The following PLEKHA6 variants were observed in gnomAD, a reference collection of about 807,000 sequenced individuals.
The protein encoded by PLEKHA6 is pleckstrin homology domain containing A6.
Under a neutral mutation model 116.7 loss-of-function variants are expected in PLEKHA6, and 60 were observed. That is an observed-to-expected ratio of 0.51 (90% CI 0.42 to 0.64). PLEKHA6 has a LOEUF of 0.64. Ranked by LOEUF, PLEKHA6 falls within the 30% of genes least tolerant of loss-of-function variation. PLEKHA6 has a pLI of 0.00. For synonymous variants in PLEKHA6, 489 were observed against 556.1 expected (o/e 0.88, Z 1.70); for missense variants, 1,338 against 1,422.7 (o/e 0.94, Z 0.96).
At position 204,256,906 on chromosome 1, in the gene PLEKHA6, C is replaced by T. The variant is rs186492975; in HGVS notation, c.1524+447G>A. ...TAATCATACTGGAAGAGAAAGGGAT[C>T]GCAGAGGTGAGGGGTCTGGCTGGGA... On this transcript the variant is annotated intron_variant, in intron 9 of 22. Transcript: ENST00000272203. The T allele has an allele frequency of 1.6e-3, 990 of 625,460 alleles. 16 individuals are homozygous for T. Among genetic ancestry groups the T allele is most frequent in the South Asian group, 0.014 (726 of 53,412 alleles). The allele number at this position is 625,460 out of a possible 1,614,324, so 38.7% of individuals were successfully genotyped here. A position where few individuals can be genotyped will look rare whatever the true frequency, so the allele number is the denominator to read the frequency against.
upstream of PLEKHA6, among the ~76,000 whole-genome samples, chr1:204,364,360 G>A (rs1182580515): frequency 6.6e-6 from 1 of 152,182 alleles, no homozygotes; most frequent in Non-Finnish European, 1.5e-5. Flanking sequence ...GGAAGCAGCC[G>A]TGCCATCATG....
intron 2 of PLEKHA6, chr1:204,369,176 C>T (rs1166739402): frequency 6.6e-6 from 1 of 152,246 alleles, no homozygotes; most frequent in Non-Finnish European, 1.5e-5. Flanking sequence ...CTTCCTTCCT[C>T]TAAGCTATGC....
Position 204,250,594 on chromosome 1 carries a change from C to T in PLEKHA6, c.1545G>A (p.Val515=), listed in dbSNP as rs1664415746. The T allele has an allele frequency of 1.2e-6, 2 of 1,612,812 alleles. No homozygotes were observed. Among genetic ancestry groups the T allele is most frequent in the Admixed American group, 1.7e-5 (1 of 60,012 alleles). ...SSPKVPPYPE[V]FRDSLHTYKL... Reference sequence around the variant, plus strand: ...TGTAGGTGTGGAGGCTGTCCCGGAACACTTCTGGGTATGGAGGGACCTGCA... The same window carrying T: ...TGTAGGTGTGGAGGCTGTCCCGGAATACTTCTGGGTATGGAGGGACCTGCA... Residue 515 remains valine, a synonymous_variant, in exon 10 of 23, where the codon GTG becomes GTA. Transcript: ENST00000272203.
At chr1:204,290,658 A>C (rs1207713991) in intron 1 of PLEKHA6, among the ~76,000 whole-genome samples, 1 of 152,184 alleles carries the variant, frequency 6.6e-6, no homozygotes, top group Non-Finnish European at 1.5e-5. Flanking sequence ...AAAATCAATA[A>C]ATTGAAATTT....
In PLEKHA6 at chr1:204,228,335, T is replaced by C. The variant is rs763772461; in HGVS notation, c.2886-107A>G. 8.8e-7 allele frequency: 1 copy of C among 1,132,796 alleles called. No homozygotes were observed. Among genetic ancestry groups the C allele is most frequent in the Non-Finnish European group, 1.3e-6 (1 of 787,814 alleles). The allele number at this position is 1,132,796 out of a possible 1,614,324, so 70.2% of individuals were successfully genotyped here. ...GCAGGGAGGGCCAGGGCCCCGTGAA[T>C]GTGCAGTCTCTGGTTCCCAGCAAGG... On this transcript the variant is annotated intron_variant, in intron 20 of 22. Transcript: ENST00000272203. This position sits in a 1 kb window ranked among gnomAD's most constrained non-coding sequence, Gnocchi z 4.0.
intron 15 of PLEKHA6, chr1:204,243,003 T>G (rs1021390143): frequency 2.5e-5 from 10 of 398,874 alleles, no homozygotes; most frequent in Non-Finnish European, 4.0e-5. Flanking sequence ...GAAACCGACC[T>G]TTGGGAAAAT....
intron 1 of PLEKHA6, among the ~76,000 whole-genome samples, chr1:204,294,861 A>G (rs7529602): frequency 2.6e-3 from 394 of 152,372 alleles, no homozygotes; most frequent in African/African-American, 9.0e-3. Context: ...TAAATGTTCA[A>G]TAAATGCTAA....
intron 1 of PLEKHA6, among the ~76,000 whole-genome samples, chr1:204,356,000 C>CACAAA (rs1013336939): frequency 2.1e-5 from 1 of 47,736 alleles, no homozygotes; most frequent in Middle Eastern, 0.011. Flanking sequence ...CACACACACA[C>CACAAA]AAAAAAAATC....
intron 1 of PLEKHA6, among the ~76,000 whole-genome samples, chr1:204,349,275 A>G (rs1459016905): frequency 2.6e-5 from 4 of 152,174 alleles, no homozygotes; most frequent in African/African-American, 9.7e-5. Flanking sequence ...GCGGTGGCTC[A>G]CGCCTATAAT....
At position 204,226,388 on chromosome 1, in the gene PLEKHA6, G is replaced by T. The variant is rs1292070978; in HGVS notation, c.3031+1695C>A. ...TGTTTTCATGGGACCTTTGGCTGAGGAACTATAGTAGAGAGCGCCAGGGGC... is the reference window on the plus strand; with the variant it reads ...TGTTTTCATGGGACCTTTGGCTGAGTAACTATAGTAGAGAGCGCCAGGGGC... On this transcript the variant is annotated intron_variant, in intron 21 of 22. Coordinates refer to ENST00000272203, the MANE Select transcript of PLEKHA6 (RefSeq NM_014935.5). Among the ~76,000 whole-genome samples the T allele has an allele frequency of 2.0e-5, 3 of 152,188 alleles. No individual in the cohort carries two copies. The South Asian group carries it at 6.2e-4, about 31-fold the overall frequency.
At chr1:204,250,286 G>A (rs530276121) in intron 10 of PLEKHA6, among the ~76,000 whole-genome samples, 243 of 152,362 alleles carry the variant, frequency 1.6e-3, no homozygotes, top group Non-Finnish European at 2.9e-3. Flanking sequence ...GCTCAGTGGA[G>A]AAATGGATAC....
At chr1:204,242,516 T>C (rs533401131) in intron 15 of PLEKHA6, among the ~76,000 whole-genome samples, 4 of 152,264 alleles carry the variant, frequency 2.6e-5, no homozygotes, top group African/African-American at 7.2e-5. Context: ...TAGATGAGCA[T>C]ATGAGTTTTC....
At chr1:204,255,611 ACCAGC>A (rs1665174254) in intron 9 of PLEKHA6, 2 of 702,782 alleles carry the variant, frequency 2.8e-6, no homozygotes, top group Non-Finnish European at 5.2e-6. Context: ...TAAGGGGGGC[ACCAGC>A]TCTGCCTACC....
At chr1:204,360,025 G>C (rs1673523797), upstream of PLEKHA6, 1 of 152,244 alleles carries the variant, frequency 6.6e-6, no homozygotes, top group African/African-American at 2.4e-5. Context: ...GGAGTAAATA[G>C]TCCCCGAAAA....
chr1:204,291,819 T>C (rs776057779), intron 1 of PLEKHA6, among the ~76,000 whole-genome samples: 7 of 151,418 alleles, frequency 4.6e-5, no homozygotes, highest in Non-Finnish European at 1.0e-4. Context: ...AACTGGGGAG[T>C]GATGGATATA....
At chr1:204,269,105 C>T (rs1182681268) in intron 3 of PLEKHA6, among the ~76,000 whole-genome samples, 1 of 151,896 alleles carries the variant, frequency 6.6e-6, no homozygotes, top group Non-Finnish European at 1.5e-5. Context: ...CCCCAAGCCC[C>T]TCTGCGGCTA....
chr1:204,322,412 C>T (rs891190920), intron 1 of PLEKHA6, among the ~76,000 whole-genome samples: 1 of 152,208 alleles, frequency 6.6e-6, no homozygotes, highest in Non-Finnish European at 1.5e-5. Context: ...CCTTGCTTTC[C>T]ACCGCAACAG....
chr1:204,336,601 T>C (rs1672657267), intron 1 of PLEKHA6, among the ~76,000 whole-genome samples: 1 of 151,998 alleles, frequency 6.6e-6, no homozygotes, highest in Non-Finnish European at 1.5e-5. Context: ...CGCACATACA[T>C]ACACTGGGGA....
intron 17 of PLEKHA6, among the ~76,000 whole-genome samples, chr1:204,237,589 T>G (rs758073043): frequency 4.6e-5 from 7 of 152,242 alleles, no homozygotes; most frequent in Non-Finnish European, 1.0e-4. Context: ...GTGGTTTCAC[T>G]GCTTAAGCAA....
Sources: gnomAD v4.1 joint callset for allele counts (sites outside exome capture counted in the v4.1 genomes callset) on GRCh38, gnomAD v4.1.1 for gene constraint, Gnocchi (gnomAD v3.1) non-coding constraint, MANE v1.5 for transcripts, NCBI Gene and HGNC (gene_info 2026-07-23, HGNC 2026-07-21) for gene names.